Variants in ELFN2 observed in about 807,000 individuals in gnomAD.
ELFN2 encodes protein phosphatase 1 regulatory subunit 29.
A neutral mutation model predicts 45.5 loss-of-function variants in ELFN2; 17 were observed. The ratio of observed to expected loss-of-function variants is 0.37; its 90% CI spans 0.26 to 0.56. ELFN2 has a LOEUF of 0.56. Among genes scored for constraint, ELFN2 ranks in the 20% least tolerant of loss-of-function variants. The pLI is 0.77. For missense variants in ELFN2, 922 were observed against 1,183.2 expected (o/e 0.78, Z 3.24); for synonymous variants, 550 against 551.5 (o/e 1.00, Z 0.04).
intron 1 of ELFN2, among the ~76,000 whole-genome samples, chr22:37,349,333 C>G (rs1310474624): frequency 6.6e-6 from 1 of 151,154 alleles, no homozygotes; most frequent in African/African-American, 2.4e-5. Flanking sequence ...AAGAGAGGCA[C>G]CCGTGCACAA....
At chr22:37,398,259 T>G (rs956536558) in intron 2 of ELFN2, among the ~76,000 whole-genome samples, 10 of 152,262 alleles carry the variant, frequency 6.6e-5, no homozygotes, top group African/African-American at 2.4e-4. Flanking sequence ...CATTATTTTT[T>G]GACTCCAACC....
chr22:37,346,945 A>T (rs978445611), intron 1 of ELFN2, among the ~76,000 whole-genome samples: 5 of 151,590 alleles, frequency 3.3e-5, no homozygotes, highest in African/African-American at 1.2e-4. Context: ...CCCACACCCT[A>T]ATGTATCTTG....
intron 1 of ELFN2, among the ~76,000 whole-genome samples, chr22:37,347,301 A>G (rs1164870198): frequency 6.6e-6 from 1 of 152,034 alleles, no homozygotes; most frequent in East Asian, 1.9e-4. Context: ...TATTTCCTGG[A>G]GGGCTTGACT....
intron 1 of ELFN2, among the ~76,000 whole-genome samples, chr22:37,422,341 A>G (rs1463925389): frequency 1.3e-5 from 2 of 152,056 alleles, no homozygotes; most frequent in Admixed American, 1.3e-4. Context: ...CCTAACCTTT[A>G]GCATGACCTT....
chr22:37,342,430 T>A (rs1203238247), intron 2 of ELFN2, among the ~76,000 whole-genome samples: 2 of 152,094 alleles, frequency 1.3e-5, no homozygotes, highest in South Asian at 2.1e-4. Context: ...GGAGGGCCAT[T>A]CCAGGCAGAG....
At chr22:37,349,120 C>A (rs1930763819) in intron 1 of ELFN2, among the ~76,000 whole-genome samples, 1 of 151,274 alleles carries the variant, frequency 6.6e-6, no homozygotes, top group African/African-American at 2.4e-5. Flanking sequence ...GTCCTGGGTG[C>A]CCGCTCCCCA....
intron 2 of ELFN2, among the ~76,000 whole-genome samples, chr22:37,396,129 G>A (rs770080074): frequency 1.3e-5 from 2 of 152,200 alleles, no homozygotes; most frequent in Non-Finnish European, 2.9e-5. Flanking sequence ...ACAAAGACAA[G>A]CCAGGAACTC....
intron 1 of ELFN2, among the ~76,000 whole-genome samples, chr22:37,350,148 A>G (rs1294443862): frequency 6.6e-6 from 1 of 151,010 alleles, no homozygotes; most frequent in Non-Finnish European, 1.5e-5. Flanking sequence ...CTGGCCTCAC[A>G]GACGCCCAGG....
downstream of ELFN2, among the ~76,000 whole-genome samples, chr22:37,364,822 G>C (rs1379888784): frequency 6.6e-6 from 1 of 152,198 alleles, no homozygotes; most frequent in Non-Finnish European, 1.5e-5. Flanking sequence ...GCTGGGGCTG[G>C]GCGGTGGGCC....
At chr22:37,395,489 G>A (rs896154245) in intron 2 of ELFN2, among the ~76,000 whole-genome samples, 1 of 152,212 alleles carries the variant, frequency 6.6e-6, no homozygotes, top group Non-Finnish European at 1.5e-5. Flanking sequence ...AAGTGGCAGG[G>A]CCTGAGACAC....
intron 2 of ELFN2, among the ~76,000 whole-genome samples, chr22:37,394,869 C>T (rs2145663472): frequency 6.6e-6 from 1 of 152,262 alleles, no homozygotes; most frequent in East Asian, 1.9e-4. Flanking sequence ...CTTTAGGAGG[C>T]CGAGGCGGGC....
At chr22:37,389,262 C>T (rs1201993224) in intron 2 of ELFN2, among the ~76,000 whole-genome samples, 4 of 152,098 alleles carry the variant, frequency 2.6e-5, no homozygotes, top group Non-Finnish European at 5.9e-5. Flanking sequence ...CCCACAATGG[C>T]TCCCACTGGC....
At chr22:37,413,019 T>A (rs570231381) in intron 2 of ELFN2, among the ~76,000 whole-genome samples, 1 of 152,240 alleles carries the variant, frequency 6.6e-6, no homozygotes, top group East Asian at 1.9e-4. Flanking sequence ...TGGAAGAGAA[T>A]CTCTCCAGGC....
intron 2 of ELFN2, among the ~76,000 whole-genome samples, chr22:37,396,799 G>A (rs2145665979): frequency 6.6e-6 from 1 of 152,228 alleles, no homozygotes; most frequent in South Asian, 2.1e-4. Flanking sequence ...GGTCACCACT[G>A]CCTGCCTGCT....
chr22:37,424,034 G>A (rs930893990), intron 1 of ELFN2, among the ~76,000 whole-genome samples: 1 of 152,170 alleles, frequency 6.6e-6, no homozygotes, highest in African/African-American at 2.4e-5. Context: ...AACTTGCTAA[G>A]AAGCGTCAGG....
Position 37,371,417 on chromosome 22 carries a change from C to T in ELFN2, c.*1655G>A, listed in dbSNP as rs781755268. ...CAAGCTGAGGTGGGTGGCAGCCAAGCGACATGTTGCTAGGCGGGCAAAGCT... is the reference window on the plus strand; with the variant it reads ...CAAGCTGAGGTGGGTGGCAGCCAAGTGACATGTTGCTAGGCGGGCAAAGCT... On this transcript the variant is annotated 3_prime_UTR_variant, in exon 3 of 3. Transcript: ENST00000402918. The surrounding 1 kb of genome is among the most constrained non-coding windows in gnomAD (Gnocchi z 6.4). 1 of 152,296 alleles carries T rather than the reference C, an allele frequency of 6.6e-6. No homozygotes were observed. The allele number at this position is 152,296 out of a possible 1,614,324, so 9.4% of individuals were successfully genotyped here.
chr22:37,392,318 CTTT>C (rs1285741986), intron 2 of ELFN2, among the ~76,000 whole-genome samples: 14 of 131,176 alleles, frequency 1.1e-4, no homozygotes, highest in African/African-American at 3.4e-4. Flanking sequence ...GTTGGATTCT[CTTT>C]TTTTTTTTTT....
chr22:37,424,797 G>A (rs994535493), intron 1 of ELFN2, among the ~76,000 whole-genome samples: 8 of 152,076 alleles, frequency 5.3e-5, no homozygotes, highest in African/African-American at 7.2e-5. Context: ...AAGAACTGCC[G>A]TGGAAATCCA....
At chr22:37,413,643 A>G (rs1932708598) in intron 2 of ELFN2, among the ~76,000 whole-genome samples, 1 of 152,154 alleles carries the variant, frequency 6.6e-6, no homozygotes, top group Non-Finnish European at 1.5e-5. Context: ...AAGCCTGCAA[A>G]TCTAAGCTCA....
Sources: allele counts gnomAD v4.1 joint callset (sites outside exome capture counted in the v4.1 genomes callset), GRCh38; gene constraint gnomAD v4.1.1; non-coding constraint Gnocchi (gnomAD v3.1); transcripts MANE v1.5; gene names NCBI Gene and HGNC (gene_info 2026-07-23, HGNC 2026-07-21).